The following LRRC4C variants were observed in gnomAD, a reference collection of about 807,000 sequenced individuals.
LRRC4C encodes the protein leucine rich repeat containing 4C.
LRRC4C carries 5 observed loss-of-function variants against 33.6 expected under a neutral mutation model. The observed-to-expected ratio is 0.15, with a 90% CI of 0.08 to 0.31. The LOEUF (loss-of-function observed/expected upper bound fraction) is 0.31. Ranked by LOEUF, LRRC4C falls within the 10% of genes least tolerant of loss-of-function variation. The pLI is 1.00. For missense variants in LRRC4C, 560 were observed against 796.7 expected, an observed-to-expected ratio of 0.70 and a Z score of 3.58; for synonymous variants, 329 against 302.0, an observed-to-expected ratio of 1.09 and a Z score of -0.93.
intron 1 of LRRC4C, among the ~76,000 whole-genome samples, chr11:41,228,707 G>T (rs1006250964): frequency 3.3e-5 from 5 of 151,992 alleles, no homozygotes; most frequent in African/African-American, 1.2e-4. Context: ...TATCCTCCTT[G>T]TCTATAATTT....
At chr11:40,941,307 T>C (rs117372394) in intron 1 of LRRC4C, among the ~76,000 whole-genome samples, 3 of 152,242 alleles carry the variant, frequency 2.0e-5, no homozygotes, top group Non-Finnish European at 4.4e-5. Flanking sequence ...ACTTGAAATA[T>C]TAAGAACTGA....
intron 1 of LRRC4C, among the ~76,000 whole-genome samples, chr11:41,418,200 A>G (rs1954756017): frequency 1.3e-5 from 2 of 152,000 alleles, no homozygotes; most frequent in Admixed American, 1.3e-4. Flanking sequence ...CATATCTGAA[A>G]TCCGATATGT....
At chr11:40,138,716 G>A (rs1475636304) in intron 6 of LRRC4C, among the ~76,000 whole-genome samples, 1 of 152,142 alleles carries the variant, frequency 6.6e-6, no homozygotes, top group East Asian at 1.9e-4. Context: ...TGCACAGTAG[G>A]TACTCAATAT....
chr11:40,675,195 A>T (rs1359848296), intron 2 of LRRC4C, among the ~76,000 whole-genome samples: 1 of 152,110 alleles, frequency 6.6e-6, no homozygotes, highest in Non-Finnish European at 1.5e-5. Context: ...GAGTTGTAGC[A>T]TGTTCTAGGT....
intron 2 of LRRC4C, among the ~76,000 whole-genome samples, chr11:40,732,190 T>C (rs548532692): frequency 2.0e-5 from 3 of 152,220 alleles, no homozygotes; most frequent in South Asian, 2.1e-4. Flanking sequence ...TATTGAACAG[T>C]TTGTGCAACC....
At chr11:41,279,431 G>T (rs565589780) in intron 1 of LRRC4C, among the ~76,000 whole-genome samples, 1 of 80,970 alleles carries the variant, frequency 1.2e-5, no homozygotes, top group Non-Finnish European at 2.8e-5. Context: ...CACACACACC[G>T]TGGCAATCAC....
chr11:41,063,420 C>G (rs556962198), intron 1 of LRRC4C, among the ~76,000 whole-genome samples: 19 of 152,048 alleles, frequency 1.2e-4, no homozygotes, highest in African/African-American at 3.9e-4. Flanking sequence ...CATTTAGTTA[C>G]TAAGGGCTAA....
chr11:40,624,943 A>G (rs1210180304), intron 3 of LRRC4C, among the ~76,000 whole-genome samples: 1 of 152,178 alleles, frequency 6.6e-6, no homozygotes, highest in Non-Finnish European at 1.5e-5. Context: ...CTGAGGCCAT[A>G]GTAAGCTCAA....
chr11:40,414,459 G>A (rs1950255134), intron 3 of LRRC4C, among the ~76,000 whole-genome samples: 1 of 152,114 alleles, frequency 6.6e-6, no homozygotes, highest in Admixed American at 6.6e-5. Flanking sequence ...ATAATGATAA[G>A]CCATCTTAAA....
intron 3 of LRRC4C, among the ~76,000 whole-genome samples, chr11:40,646,930 A>T (rs2088147): frequency 6.6e-6 from 1 of 151,910 alleles, no homozygotes; most frequent in Non-Finnish European, 1.5e-5. Flanking sequence ...TTTTTGGTTG[A>T]TATTTCTATT....
intron 3 of LRRC4C, among the ~76,000 whole-genome samples, chr11:40,526,476 GAC>G (rs1376556081): frequency 6.8e-6 from 1 of 147,928 alleles, no homozygotes; most frequent in Non-Finnish European, 1.5e-5. Flanking sequence ...ACAAATGAAA[GAC>G]ACTCAACTCC....
chr11:41,276,958 T>C (rs1402306878), intron 1 of LRRC4C, among the ~76,000 whole-genome samples: 1 of 152,216 alleles, frequency 6.6e-6, no homozygotes, highest in East Asian at 1.9e-4. Flanking sequence ...TTCTGAATTC[T>C]ATAAATGTAA....
chr11:41,323,092 T>A (rs1233193772), intron 1 of LRRC4C, among the ~76,000 whole-genome samples: 1 of 152,182 alleles, frequency 6.6e-6, no homozygotes, highest in Non-Finnish European at 1.5e-5. Context: ...CAGACAATAT[T>A]TCAATACAAA....
At chr11:40,876,256 T>C (rs894345629) in intron 2 of LRRC4C, among the ~76,000 whole-genome samples, 1 of 98,144 alleles carries the variant, frequency 1.0e-5, no homozygotes, top group Admixed American at 1.3e-4. Context: ...CCTTCTCAGT[T>C]AGGGTTTTTT....
At chr11:40,535,672 G>A (rs1018221720) in intron 3 of LRRC4C, among the ~76,000 whole-genome samples, 1 of 152,182 alleles carries the variant, frequency 6.6e-6, no homozygotes, top group Non-Finnish European at 1.5e-5. Context: ...GGTTGACTTT[G>A]AGTTTAAATC....
intron 2 of LRRC4C, among the ~76,000 whole-genome samples, chr11:40,650,987 A>G (rs1239378248): frequency 6.6e-6 from 1 of 152,174 alleles, no homozygotes; most frequent in Non-Finnish European, 1.5e-5. Context: ...AATACTTGTA[A>G]AATGTACCAT....
chr11:40,697,057 G>A (rs1439003753), intron 2 of LRRC4C, among the ~76,000 whole-genome samples: 1 of 151,910 alleles, frequency 6.6e-6, no homozygotes, highest in African/African-American at 2.4e-5. Flanking sequence ...TTCTGTTTTA[G>A]CTCCTTTTCA....
intron 1 of LRRC4C, among the ~76,000 whole-genome samples, chr11:41,280,236 C>T (rs1055004201): frequency 6.6e-6 from 1 of 152,040 alleles, no homozygotes; most frequent in African/African-American, 2.4e-5. Flanking sequence ...GAATTCTCAC[C>T]ACGAAAGTCA....
rs182107964 is a variant in LRRC4C at position 40,922,898 on chromosome 11, T to A, written c.-407+10737A>T. On this transcript the variant is annotated intron_variant, in intron 2 of 6. Coordinates refer to ENST00000528697, the MANE Select transcript of LRRC4C (RefSeq NM_001258419.2). Reference sequence around the variant, plus strand: ...TGGTGCACAGTGGCGCAAACTCTGCTCACTGCAACCTCCGCCTCCCGGTTC... The same window carrying A: ...TGGTGCACAGTGGCGCAAACTCTGCACACTGCAACCTCCGCCTCCCGGTTC... Among the ~76,000 whole-genome samples, 29 of 152,294 alleles carry A rather than the reference T, an allele frequency of 1.9e-4. 1 individual carries two copies. The highest frequency in any genetic ancestry group is 5.9e-5 in the Non-Finnish European group (4 of 68,032).
Sources: allele counts gnomAD v4.1 joint callset (sites outside exome capture counted in the v4.1 genomes callset), GRCh38; gene constraint gnomAD v4.1.1; transcripts MANE v1.5; gene names NCBI Gene and HGNC (gene_info 2026-07-23, HGNC 2026-07-21).